SUPT5H: variants seen among roughly 807,000 people sequenced by gnomAD.
SUPT5H encodes the protein SPT5 homolog, DSIF elongation factor subunit.
A neutral mutation model predicts 142.5 loss-of-function variants in SUPT5H; 24 were observed. That is an observed-to-expected ratio of 0.17 (90% CI 0.12 to 0.24). The LOEUF is 0.24. Ranked by LOEUF, SUPT5H falls within the 10% of genes least tolerant of loss-of-function variation. The pLI is 1.00. For missense variants in SUPT5H, 893 were observed against 1,471.8 expected, an observed-to-expected ratio of 0.61 and a Z score of 6.43; for synonymous variants, 546 against 553.0, an observed-to-expected ratio of 0.99 and a Z score of 0.18.
chr19:39,475,999 C>G, intron 28 of SUPT5H, 82 bp from the exon 29 acceptor site: 1 of 1,333,174 alleles, frequency 7.5e-7, no homozygotes, highest in South Asian at 1.3e-5. Context: ...AGAATGAGCC[C>G]TGAGCCTGTG....
chr19:39,468,966 A>G, intron 14 of SUPT5H, 105 bp downstream of exon 14: 1 of 1,549,814 alleles, frequency 6.5e-7, no homozygotes, highest in Non-Finnish European at 8.9e-7. Flanking sequence ...TCCTCAAGTT[A>G]GGAGTGTTCC....
At chr19:39,468,651 C>T (rs915370918) in intron 13 of SUPT5H, 105 bp from the exon 14 acceptor site, 12 of 982,810 alleles carry the variant, frequency 1.2e-5, no homozygotes, top group Non-Finnish European at 1.6e-5. Context: ...ATGGGTCAGT[C>T]TGCCTGTGGT....
At chr19:39,475,178 A>C (rs1255397135) in intron 28 of SUPT5H, 1 of 152,372 alleles carries the variant, frequency 6.6e-6, no homozygotes, top group Non-Finnish European at 1.4e-5. Context: ...TCAGGAGTTC[A>C]AGACCAGCCT....
At chr19:39,446,288 C>T (rs1010818949) in intron 2 of SUPT5H, among the ~76,000 whole-genome samples, 1 of 151,906 alleles carries the variant, frequency 6.6e-6, no homozygotes, top group South Asian at 2.1e-4. Flanking sequence ...CTACTATGTA[C>T]CAGGCGCAAT....
chr19:39,456,108 G>C lies in SUPT5H; in HGVS notation c.242-1567G>C, dbSNP rs537803361. 4.6e-5 allele frequency among the ~76,000 whole-genome samples: 7 copies of C among 150,968 alleles called. No homozygotes were observed. In the East Asian group the frequency reaches 9.7e-4, roughly 21 times the overall value. ...ATTTTTGTGTTTTTAGTAGAGACGGGGTTTCACCATGTTGGCCAGGCTGGT... is the reference window on the plus strand; with the variant it reads ...ATTTTTGTGTTTTTAGTAGAGACGGCGTTTCACCATGTTGGCCAGGCTGGT... On this transcript the variant is annotated intron_variant, in intron 3 of 29. Coordinates refer to ENST00000432763, the MANE Select transcript of SUPT5H (RefSeq NM_001111020.3).
chr19:39,455,010 C>T (rs1233308779), intron 3 of SUPT5H, among the ~76,000 whole-genome samples: 1 of 152,088 alleles, frequency 6.6e-6, no homozygotes, highest in Admixed American at 6.6e-5. Flanking sequence ...ATGCAGGAAC[C>T]CTTTGACCAA....
chr19:39,446,015 C>T (rs191272420), intron 2 of SUPT5H, 50 bp downstream of exon 2: 8 of 1,582,542 alleles, frequency 5.1e-6, no homozygotes, highest in East Asian at 2.3e-5. Flanking sequence ...GACAGGACTC[C>T]GGGCAGAAAG....
chr19:39,469,721 C>CGGGGTGTGTGTTT lies in SUPT5H; in HGVS notation c.1374+325_1374+337dup. 1 of 498,700 alleles carries CGGGGTGTGTGTTT rather than the reference C, an allele frequency of 2.0e-6. No individual in the cohort carries two copies. The highest frequency in any genetic ancestry group is 3.7e-5 in the East Asian group (1 of 27,228). The allele number at this position is 498,700 out of a possible 1,614,324, so 30.9% of individuals were successfully genotyped here. A position where few individuals can be genotyped will look rare whatever the true frequency, so the allele number is the denominator to read the frequency against. ...GAGGCTTGACTTTGTTTGCTTAGAG[C>CGGGGTGTGTGTTT]GGGGTGTGTGTTTGTCTGTGTCTGG... On this transcript the variant is annotated intron_variant, in intron 16 of 29. Coordinates refer to ENST00000432763, the MANE Select transcript of SUPT5H (RefSeq NM_001111020.3). This position sits in a 1 kb window ranked among gnomAD's most constrained non-coding sequence, Gnocchi z 5.1.
In SUPT5H at chr19:39,466,818, TC is replaced by T; in HGVS notation, c.1037+77del. 1 of 1,480,128 alleles carries T rather than the reference TC, an allele frequency of 6.8e-7. No homozygotes were observed. Among genetic ancestry groups the T allele is most frequent in the Non-Finnish European group, 9.4e-7 (1 of 1,059,448 alleles). 91.7% of individuals were successfully genotyped at this position (1,480,128 alleles called of 1,614,324 possible). On this transcript the variant is annotated intron_variant, in intron 13 of 29. Coordinates refer to ENST00000432763, the MANE Select transcript of SUPT5H (RefSeq NM_001111020.3). This position sits in a 1 kb window ranked among gnomAD's most constrained non-coding sequence, Gnocchi z 4.3. ...GTAGAATGTGCCTTTTGCAGGTTCC[TC>T]CCCAGGGGTGGCCCCGCCACAGGTT...
In SUPT5H at chr19:39,458,342, C is replaced by T. The variant is rs1436183640; in HGVS notation, c.319+37C>T. The stretch of plus-strand genomic sequence containing the variant: ...AAAAGTGTGATTCCCTGACCTTCCT[C>T]CCATATCCTGACATTTCCTCCTTCC... On this transcript the variant is annotated intron_variant, in intron 5 of 29. Coordinates refer to ENST00000432763, the MANE Select transcript of SUPT5H (RefSeq NM_001111020.3). This position sits in a 1 kb window ranked among gnomAD's most constrained non-coding sequence, Gnocchi z 4.2. 1.9e-6 allele frequency: 3 copies of T among 1,551,860 alleles called. No individual in the cohort carries two copies. The highest frequency in any genetic ancestry group is 2.7e-5 in the African/African-American group (2 of 73,004).
chr19:39,469,974 A>G lies in SUPT5H; in HGVS notation c.1375-145A>G, dbSNP rs1293952456. On this transcript the variant is annotated intron_variant, in intron 16 of 29. Coordinates refer to ENST00000432763, the MANE Select transcript of SUPT5H (RefSeq NM_001111020.3). The surrounding 1 kb of genome is among the most constrained non-coding windows in gnomAD (Gnocchi z 5.1). ...TCTGGGGCAGTCTGAGGGGTCGTCC[A>G]GGTGGACTAAGGTAGTCTGGGGTGG... is the stretch of plus-strand genomic sequence containing the variant. 3 of 1,077,744 alleles carry G rather than the reference A, an allele frequency of 2.8e-6. No individual in the cohort carries two copies. Among genetic ancestry groups the G allele is most frequent in the Non-Finnish European group, 4.0e-6 (3 of 750,248 alleles). The allele number at this position is 1,077,744 out of a possible 1,614,324, so 66.8% of individuals were successfully genotyped here.
At chr19:39,465,609 T>C (rs2079225291) in intron 11 of SUPT5H, among the ~76,000 whole-genome samples, 1 of 152,204 alleles carries the variant, frequency 6.6e-6, no homozygotes, top group African/African-American at 2.4e-5. Flanking sequence ...GATTATGGCA[T>C]CTAGCAGGTT....
chr19:39,470,049 G>T lies in SUPT5H; in HGVS notation c.1375-70G>T. The T allele has an allele frequency of 6.4e-7, 1 of 1,562,068 alleles. No homozygotes were observed. The highest frequency in any genetic ancestry group is 8.7e-7 in the Non-Finnish European group (1 of 1,146,148). On this transcript the variant is annotated intron_variant, in intron 16 of 29. Coordinates refer to ENST00000432763, the MANE Select transcript of SUPT5H (RefSeq NM_001111020.3). The surrounding 1 kb of genome is among the most constrained non-coding windows in gnomAD (Gnocchi z 5.8). ...TTTGAGAACATGCGTAGATTCTGAA[G>T]ACAGGAGGGGCAGGCAGGTTGTGGT... is the stretch of plus-strand genomic sequence containing the variant.
At chr19:39,462,003 G>A (rs913570355) in intron 10 of SUPT5H, among the ~76,000 whole-genome samples, 1 of 151,354 alleles carries the variant, frequency 6.6e-6, no homozygotes, top group Non-Finnish European at 1.5e-5. Flanking sequence ...GTGTGGTCTC[G>A]GCTCACTGCA....
At position 39,468,548 on chromosome 19, in the gene SUPT5H, A is replaced by T. The variant is rs2079274488; in HGVS notation, c.1038-208A>T. 5.1e-6 allele frequency: 3 copies of T among 583,820 alleles called. No individual in the cohort carries two copies. The Middle Eastern group carries it at 1.3e-3, about 261-fold the overall frequency. 36.2% of individuals were successfully genotyped at this position (583,820 alleles called of 1,614,324 possible). A position where few individuals can be genotyped will look rare whatever the true frequency, so the allele number is the denominator to read the frequency against. ...GGTGATCGGTGCTCAAAGATAAATC[A>T]GGGAATGGGTGGAGGAGTGCAGGGA... On this transcript the variant is annotated intron_variant, in intron 13 of 29. Coordinates refer to ENST00000432763, the MANE Select transcript of SUPT5H (RefSeq NM_001111020.3).
chr19:39,476,364 A>G lies in SUPT5H; in HGVS notation c.3229A>G (p.Asn1077Asp). The change falls in exon 30 of 30, where the codon AAC becomes GAC. Residue 1077 changes from asparagine to aspartate, a missense_variant. Asn to Asp is a conservative substitution (Grantham distance 23). Transcript: ENST00000432763. ...CCTTGATGAGCAGCTCAAGATCCTC[A>G]ACCTCCGCTTCCTGGGGAAGCTCCT... ...MDLDEQLKIL[N>D]LRFLGKLLEA is the part of the protein sequence containing the mutation. The G allele has an allele frequency of 6.2e-7, 1 of 1,614,092 alleles. No individual in the cohort carries two copies. The highest frequency in any genetic ancestry group is 1.1e-5 in the South Asian group (1 of 91,078).
At position 39,469,900 on chromosome 19, in the gene SUPT5H, T is replaced by C; in HGVS notation, c.1375-219T>C. The C allele has an allele frequency of 1.7e-6, 1 of 574,926 alleles. No homozygotes were observed. Among genetic ancestry groups the C allele is most frequent in the Non-Finnish European group, 3.0e-6 (1 of 330,072 alleles). 35.6% of individuals were successfully genotyped at this position (574,926 alleles called of 1,614,324 possible). A position where few individuals can be genotyped will look rare whatever the true frequency, so the allele number is the denominator to read the frequency against. On this transcript the variant is annotated intron_variant, in intron 16 of 29. Transcript: ENST00000432763. The surrounding 1 kb of genome is among the most constrained non-coding windows in gnomAD (Gnocchi z 5.1). Reference sequence around the variant, plus strand: ...GGCATCGTGTGTCTTGAGGGCGGGCTGGGGTAAAGGTTGTCCAGGTTGGTG... The same window carrying C: ...GGCATCGTGTGTCTTGAGGGCGGGCCGGGGTAAAGGTTGTCCAGGTTGGTG...
At chr19:39,459,648 G>A (rs969581202) in intron 9 of SUPT5H, 59 bp downstream of exon 9, 5 of 1,605,288 alleles carry the variant, frequency 3.1e-6, no homozygotes, top group Admixed American at 1.7e-5. Context: ...GCTGCTTTGT[G>A]GGGGAGAAGT....
chr19:39,458,306 G>A lies in SUPT5H; in HGVS notation c.319+1G>A. On this transcript the variant is annotated splice_donor_variant, in intron 5 of 29. Coordinates refer to ENST00000432763, the MANE Select transcript of SUPT5H (RefSeq NM_001111020.3). LOFTEE classifies it high-confidence loss of function. The surrounding 1 kb of genome is among the most constrained non-coding windows in gnomAD (Gnocchi z 4.2). ...TTCCTCCAAGTAGAAGAGATTGAAG[G>A]TAAGAATATGAAAAGTGTGATTCCC... The A allele has an allele frequency of 1.5e-6, 2 of 1,366,832 alleles. No homozygotes were observed. The highest frequency in any genetic ancestry group is 2.0e-5 in the Admixed American group (1 of 50,818). 84.7% of individuals were successfully genotyped at this position (1,366,832 alleles called of 1,614,324 possible). A position where few individuals can be genotyped will look rare whatever the true frequency, so the allele number is the denominator to read the frequency against.
Sources: gnomAD v4.1 joint callset for allele counts (sites outside exome capture counted in the v4.1 genomes callset) on GRCh38, gnomAD v4.1.1 for gene constraint, Gnocchi (gnomAD v3.1) non-coding constraint, MANE v1.5 for transcripts, NCBI Gene and HGNC (gene_info 2026-07-23, HGNC 2026-07-21) for gene names.